OVCH1: variants seen among roughly 807,000 people sequenced by gnomAD.
The protein encoded by OVCH1 is ovochymase 1.
Under a neutral mutation model 138.4 loss-of-function variants are expected in OVCH1, and 139 were observed. That is an observed-to-expected ratio of 1.00 (90% confidence interval 0.87 to 1.16). The LOEUF is 1.16. Ranked by LOEUF, OVCH1 falls within the 50% of genes most tolerant of loss-of-function variation. The pLI, the probability that OVCH1 is intolerant of heterozygous loss-of-function variation, is 0.00. For synonymous variants in OVCH1, 453 were observed against 467.8 expected (o/e 0.97, Z 0.41); for missense variants, 1,367 against 1,357.9 (o/e 1.01, Z -0.11).
intron 12 of OVCH1, among the ~76,000 whole-genome samples, chr12:29,476,749 A>ACACGCG (rs1555151634): frequency 1.2e-4 from 2 of 17,160 alleles, no homozygotes; most frequent in African/African-American, 2.1e-4. Context: ...ATAAGTACAC[A>ACACGCG]CGCGCGCACA....
intron 3 of OVCH1, among the ~76,000 whole-genome samples, chr12:29,413,643 G>T (rs571901860): frequency 1.9e-4 from 28 of 145,680 alleles, no homozygotes; most frequent in African/African-American, 6.0e-4. Context: ...GTGCATTTAT[G>T]TATGTGTCTG....
exon 3 of OVCH1, chr12:29,496,216 A>C: frequency 6.2e-7 from 1 of 1,609,772 alleles, no homozygotes; most frequent in Admixed American, 1.7e-5. Flanking sequence ...CTGCTGTAAC[A>C]ACCCGATCTT....
chr12:29,463,537 G>A lies in OVCH1; in HGVS notation c.2125+970C>T, dbSNP rs141392107. ...GGCCCAATCACACAGAGCTTTCCAA[G>A]CTAGGCTAAGAAGTTCAGATTTGAT... is the stretch of plus-strand genomic sequence containing the variant. On this transcript the variant is annotated intron_variant, in intron 18 of 27. Transcript: ENST00000318184. Among the ~76,000 whole-genome samples the A allele has an allele frequency of 6.4e-3, 980 of 152,286 alleles. 6 individuals are homozygous for A. The highest frequency in any genetic ancestry group is 0.023 in the African/African-American group (937 of 41,566).
intron 16 of OVCH1, among the ~76,000 whole-genome samples, chr12:29,467,743 T>C (rs1942369030): frequency 1.3e-5 from 2 of 152,252 alleles, no homozygotes; most frequent in East Asian, 1.9e-4. Flanking sequence ...ATTAACAAGA[T>C]GAGAACACCA....
chr12:29,403,840 C>T, the OVCH1 span, among the ~76,000 whole-genome samples: 46,282 of 152,100 alleles, frequency 0.3, 8,495 homozygotes, highest in Middle Eastern at 0.51. Context: ...TAATATTGCC[C>T]TTCTGATCTT....
intron 21 of OVCH1, among the ~76,000 whole-genome samples, chr12:29,452,816 C>G (rs929536403): frequency 1.3e-5 from 2 of 152,022 alleles, no homozygotes; most frequent in Non-Finnish European, 2.9e-5. Context: ...AAGTTAGTAG[C>G]GGGAGTGGGT....
At chr12:29,444,413 G>T in intron 23 of OVCH1, 133 bp from the exon 24 acceptor site, 1 of 1,016,224 alleles carries the variant, frequency 9.8e-7, no homozygotes, top group Non-Finnish European at 1.4e-6. Context: ...TTAGGAGGTG[G>T]TTGGTTTCAC....
chr12:29,423,849 A>G (rs1004389993), downstream of OVCH1, among the ~76,000 whole-genome samples: 3 of 152,154 alleles, frequency 2.0e-5, no homozygotes, highest in Non-Finnish European at 2.9e-5. Flanking sequence ...AAGCAGCTCT[A>G]TCTGGTGGAA....
chr12:29,490,047 T>A (rs1365890376), intron 5 of OVCH1, among the ~76,000 whole-genome samples: 1 of 152,108 alleles, frequency 6.6e-6, no homozygotes, highest in Non-Finnish European at 1.5e-5. Context: ...AAAACTTTGG[T>A]CAATATGGCA....
chr12:29,402,302 C>A, the OVCH1 span, among the ~76,000 whole-genome samples: 1 of 152,174 alleles, frequency 6.6e-6, no homozygotes, highest in African/African-American at 2.4e-5. Context: ...CAAATCTCAT[C>A]TTTCATTTTT....
chr12:29,407,362 C>T, the OVCH1 span, among the ~76,000 whole-genome samples: 19,809 of 113,864 alleles, frequency 0.17, 2,844 homozygotes, highest in Middle Eastern at 0.42. Context: ...TTTGGTGTTT[C>T]AGACATGAAG....
chr12:29,429,088 G>C (rs1941226415), intron 27 of OVCH1, among the ~76,000 whole-genome samples: 1 of 152,090 alleles, frequency 6.6e-6, no homozygotes, highest in Non-Finnish European at 1.5e-5. Context: ...AGATTATTCT[G>C]GCTAATGGAA....
At chr12:29,413,024 C>CTTTTTTTTTTTTTTTT (rs35540929) in intron 3 of OVCH1, among the ~76,000 whole-genome samples, 1 of 140,926 alleles carries the variant, frequency 7.1e-6, no homozygotes. Flanking sequence ...CCAGCTAATT[C>CTTTTTTTTTTTTTTTT]TTTTTTTTTT....
At chr12:29,439,464 A>G (rs1941431288) in intron 25 of OVCH1, 3 of 1,475,758 alleles carry the variant, frequency 2.0e-6, no homozygotes, top group Non-Finnish European at 2.7e-6. Flanking sequence ...ACAAACAAAC[A>G]AACAAACAAA....
At chr12:29,463,581 C>A (rs1175511489) in intron 18 of OVCH1, among the ~76,000 whole-genome samples, 1 of 152,114 alleles carries the variant, frequency 6.6e-6, no homozygotes, top group Non-Finnish European at 1.5e-5. Context: ...TAATGAGAAG[C>A]CATTAAGATT....
At chr12:29,404,688 A>T in the OVCH1 span, among the ~76,000 whole-genome samples, 2 of 152,200 alleles carry the variant, frequency 1.3e-5, no homozygotes, top group Non-Finnish European at 2.9e-5. Flanking sequence ...TACTAGAAGT[A>T]GGTGCATTAA....
intron 16 of OVCH1, among the ~76,000 whole-genome samples, chr12:29,469,790 C>T (rs1022653408): frequency 5.9e-5 from 9 of 151,990 alleles, no homozygotes; most frequent in Non-Finnish European, 1.2e-4. Context: ...GGGAGGATCC[C>T]TTGAGCCCCA....
chr12:29,454,971 A>G, intron 20 of OVCH1, 38 bp from the exon 21 acceptor site: 1 of 1,521,626 alleles, frequency 6.6e-7, no homozygotes, highest in Non-Finnish European at 9.0e-7. Flanking sequence ...TAAAGATGAA[A>G]GCCTGAGAAC....
exon 13 of OVCH1, chr12:29,476,269 T>C (rs1259464205): frequency 1.2e-6 from 2 of 1,613,636 alleles, no homozygotes; most frequent in Non-Finnish European, 1.7e-6. Flanking sequence ...CAGTTTGGAC[T>C]AAATTTGACA....
Sources: allele counts gnomAD v4.1 joint callset (sites outside exome capture counted in the v4.1 genomes callset), GRCh38; gene constraint gnomAD v4.1.1; transcripts MANE v1.5; gene names NCBI Gene and HGNC (gene_info 2026-07-23, HGNC 2026-07-21).